Variants in BMAL2 observed in about 807,000 individuals in gnomAD.
BMAL2 encodes basic helix-loop-helix ARNT-like protein 2.
the BMAL2 span, among the ~76,000 whole-genome samples, chr12:27,408,583 G>A: frequency 6.6e-6 from 1 of 152,150 alleles, no homozygotes; most frequent in Non-Finnish European, 1.5e-5. Context: ...GGATATTGAT[G>A]GGACATATCT....
the BMAL2 span, chr12:27,376,394 T>C: frequency 6.2e-7 from 1 of 1,613,436 alleles, no homozygotes. Flanking sequence ...TCAGGTACAA[T>C]TGACTTGTTG....
chr12:27,343,116 G>A, the BMAL2 span, among the ~76,000 whole-genome samples: 1 of 152,174 alleles, frequency 6.6e-6, no homozygotes, highest in South Asian at 2.1e-4. Context: ...GATCATCATT[G>A]TTTGTAGGGC....
chr12:27,408,065 G>C, the BMAL2 span, among the ~76,000 whole-genome samples: 1 of 152,240 alleles, frequency 6.6e-6, no homozygotes, highest in Non-Finnish European at 1.5e-5. Context: ...TCCCTGAATA[G>C]ACCAATAACA....
chr12:27,344,823 A>T, the BMAL2 span, among the ~76,000 whole-genome samples: 1 of 152,220 alleles, frequency 6.6e-6, no homozygotes, highest in African/African-American at 2.4e-5. Flanking sequence ...CACATGCTAA[A>T]TGGGGATAGT....
At chr12:27,352,406 G>GA in the BMAL2 span, among the ~76,000 whole-genome samples, 1 of 152,286 alleles carries the variant, frequency 6.6e-6, no homozygotes, top group South Asian at 2.1e-4. Flanking sequence ...GGCATCGAAG[G>GA]AACATACCTC....
chr12:27,364,171 G>T, the BMAL2 span, among the ~76,000 whole-genome samples: 3 of 152,118 alleles, frequency 2.0e-5, no homozygotes, highest in African/African-American at 7.2e-5. Context: ...TGTCTATGAG[G>T]GTGGAGCATG....
At chr12:27,366,199 T>G in the BMAL2 span, among the ~76,000 whole-genome samples, 7,434 of 152,202 alleles carry the variant, frequency 0.049, 452 homozygotes, top group East Asian at 0.34. Flanking sequence ...TGTCAAAATC[T>G]TTGAGACTGG....
chr12:27,418,315 T>C, the BMAL2 span: 1 of 647,780 alleles, frequency 1.5e-6, no homozygotes, highest in Non-Finnish European at 2.6e-6. Context: ...CTAAGGTTTT[T>C]TTCAGTTGAG....
chr12:27,389,738 C>T, the BMAL2 span: 69 of 187,986 alleles, frequency 3.7e-4, no homozygotes, highest in East Asian at 3.1e-3. Flanking sequence ...TCTGAAAATG[C>T]CTAGTACCAA....
the BMAL2 span, chr12:27,368,490 T>G: frequency 2.7e-6 from 4 of 1,503,112 alleles, no homozygotes; most frequent in East Asian, 6.8e-5. Flanking sequence ...TTAAAATCAT[T>G]AATTATTTCC....
At chr12:27,371,235 C>A in the BMAL2 span, among the ~76,000 whole-genome samples, 85 of 152,238 alleles carry the variant, frequency 5.6e-4, 1 homozygote, top group Middle Eastern at 3.4e-3. Flanking sequence ...GTAATCCCAG[C>A]ACTTTGGGAG....
chr12:27,394,593 A>G, the BMAL2 span: 1 of 152,222 alleles, frequency 6.6e-6, no homozygotes. Flanking sequence ...AATTAAATGA[A>G]TGAATATACA....
At chr12:27,335,131 A>G in the BMAL2 span, among the ~76,000 whole-genome samples, 1 of 152,238 alleles carries the variant, frequency 6.6e-6, no homozygotes, top group Non-Finnish European at 1.5e-5. Flanking sequence ...CTATTCCCAG[A>G]GGGAAAACAA....
At chr12:27,366,224 T>C in the BMAL2 span, among the ~76,000 whole-genome samples, 4 of 152,164 alleles carry the variant, frequency 2.6e-5, no homozygotes, top group African/African-American at 9.6e-5. Flanking sequence ...TGGTCCAATA[T>C]ATTGTCAGTC....
At chr12:27,420,312 A>T in the BMAL2 span, 2 of 1,554,238 alleles carry the variant, frequency 1.3e-6, no homozygotes, top group Non-Finnish European at 1.8e-6. Context: ...TTTTTATCAC[A>T]ATCATTTTTT....
the BMAL2 span, among the ~76,000 whole-genome samples, chr12:27,377,211 A>AT: frequency 6.6e-6 from 1 of 152,332 alleles, no homozygotes; most frequent in Admixed American, 6.5e-5. Flanking sequence ...TGTACACAGA[A>AT]TTAGGAGCCA....
chr12:27,389,940 A>T, the BMAL2 span: 1 of 678,746 alleles, frequency 1.5e-6, no homozygotes. Flanking sequence ...TTTTGGGTAT[A>T]TTTCACTTCA....
At chr12:27,333,504 CT>C in the BMAL2 span, among the ~76,000 whole-genome samples, 3 of 152,264 alleles carry the variant, frequency 2.0e-5, no homozygotes, top group Non-Finnish European at 2.9e-5. Flanking sequence ...GCTGCGGGGA[CT>C]TCCTATATTT....
At chr12:27,382,025 C>G in the BMAL2 span, among the ~76,000 whole-genome samples, 1 of 152,168 alleles carries the variant, frequency 6.6e-6, no homozygotes, top group African/African-American at 2.4e-5. Flanking sequence ...GTTAAGGTGG[C>G]TAAGAGGAGA....
Sources: gnomAD v4.1 joint callset for allele counts (sites outside exome capture counted in the v4.1 genomes callset) on GRCh38, gnomAD v4.1.1 for gene constraint, MANE v1.5 for transcripts, NCBI Gene and HGNC (gene_info 2026-07-23, HGNC 2026-07-21) for gene names.